SYNJ2: variants seen among roughly 807,000 people sequenced by gnomAD.
SYNJ2 encodes the protein polyphosphatidylinositol phosphatase SYNJ2.
SYNJ2 carries 116 observed loss-of-function variants against 141.3 expected under a neutral mutation model. The observed-to-expected ratio is 0.82, with a 90% confidence interval of 0.71 to 0.96. The LOEUF (loss-of-function observed/expected upper bound fraction) is 0.96. SYNJ2 is among the 40% of genes least tolerant of loss of function. The probability of loss-of-function intolerance (pLI) is 0.00; values close to 1 mark genes in which losing one functional copy is unlikely to be tolerated. For missense variants in SYNJ2, 1,873 were observed against 1,934.8 expected, an observed-to-expected ratio of 0.97 and a Z score of 0.60; for synonymous variants, 745 against 777.7, an observed-to-expected ratio of 0.96 and a Z score of 0.70.
At chr6:158,069,744 T>C in intron 14 of SYNJ2, 71 bp downstream of exon 14, 1 of 1,474,838 alleles carries the variant, frequency 6.8e-7, no homozygotes, top group Non-Finnish European at 9.1e-7. Context: ...TTCTTTGACT[T>C]CCCCCTCCTC....
intron 1 of SYNJ2, among the ~76,000 whole-genome samples, chr6:158,006,188 C>T (rs1000259595): frequency 1.3e-5 from 2 of 152,190 alleles, no homozygotes; most frequent in Non-Finnish European, 2.9e-5. Context: ...GCCACACGCA[C>T]ACATGCACAT....
At chr6:158,034,999 G>A (rs778543911) in intron 4 of SYNJ2, among the ~76,000 whole-genome samples, 6 of 152,094 alleles carry the variant, frequency 3.9e-5, no homozygotes, top group African/African-American at 9.7e-5. Flanking sequence ...GTAGGTGTAC[G>A]GCCTTATTTC....
intron 9 of SYNJ2, among the ~76,000 whole-genome samples, 178 bp downstream of exon 9, chr6:158,064,050 G>T (rs1781400862): frequency 6.6e-6 from 1 of 152,208 alleles, no homozygotes; most frequent in Non-Finnish European, 1.5e-5. Context: ...TTCCCCAGGA[G>T]GCTGCTTTCT....
rs116966905 is a variant in SYNJ2 at position 158,053,607 on chromosome 6, C to T, written c.796-1360C>T. On this transcript the variant is annotated intron_variant, in intron 5 of 26. Transcript: ENST00000355585. ...CCCACCCACCTGCTTATCCACTCAT[C>T]GTCCACCTATCTACCCACCCATCCA... 1.3e-4 allele frequency among the ~76,000 whole-genome samples: 19 copies of T among 151,990 alleles called. No homozygotes were observed. The East Asian group carries it at 2.5e-3, about 20-fold the overall frequency.
intron 2 of SYNJ2, 137 bp downstream of exon 2, chr6:158,017,427 T>TC (rs1491282408): frequency 3.7e-4 from 387 of 1,054,198 alleles, no homozygotes; most frequent in Middle Eastern, 6.7e-4. Flanking sequence ...TTTTTTTTTT[T>TC]CTCCGAGATA....
intron 24 of SYNJ2, among the ~76,000 whole-genome samples, chr6:158,089,134 T>G (rs1367030825): frequency 6.6e-6 from 1 of 152,136 alleles, no homozygotes; most frequent in Non-Finnish European, 1.5e-5. Flanking sequence ...ATGATCATTC[T>G]GGAGTGAAGT....
At chr6:158,093,226 G>A in intron 26 of SYNJ2, 122 bp downstream of exon 26, 5 of 1,110,156 alleles carry the variant, frequency 4.5e-6, no homozygotes, top group Non-Finnish European at 6.4e-6. Flanking sequence ...ACGAGGTCAG[G>A]AGTTCAAGAC....
rs555909850 is a variant in SYNJ2, at chr6:158,043,891, G to A, written c.795+492G>A. 4.3e-4 allele frequency among the ~76,000 whole-genome samples: 65 copies of A among 152,320 alleles called. No individual in the cohort carries two copies. The highest frequency in any genetic ancestry group is 7.5e-4 in the Non-Finnish European group (51 of 68,028). ...GTGATTTCTAAAAATACCCCTTGCC[G>A]TCCAAAGCAGGGCTCTGGTCAGTGC... is the stretch of plus-strand genomic sequence containing the variant. On this transcript the variant is annotated intron_variant, in intron 5 of 26. Transcript: ENST00000355585. The surrounding 1 kb of genome is among the most constrained non-coding windows in gnomAD (Gnocchi z 4.0).
intron 4 of SYNJ2, among the ~76,000 whole-genome samples, chr6:158,036,547 C>G (rs1353370521): frequency 6.6e-6 from 1 of 152,054 alleles, no homozygotes; most frequent in Non-Finnish European, 1.5e-5. Flanking sequence ...TTCTTACTTA[C>G]AAGTGGGAGC....
intron 7 of SYNJ2, chr6:158,059,561 TTTTTTTTTTTA>T (rs1390659129): frequency 4.9e-6 from 4 of 818,278 alleles, no homozygotes; most frequent in Admixed American, 1.7e-4. Flanking sequence ...CTTTTCTTTT[TTTTTTTTTTTA>T]AGACAGAGTT....
At chr6:158,072,827 T>C (rs112193773) in intron 15 of SYNJ2, among the ~76,000 whole-genome samples, 2,464 of 151,948 alleles carry the variant, frequency 0.016, 32 homozygotes, top group Non-Finnish European at 0.027. Context: ...CCCAGCACTT[T>C]GGGAGGCCGA....
chr6:157,990,097 TAAAGCCTCCTGGTTGA>T (rs1366122738), intron 1 of SYNJ2, among the ~76,000 whole-genome samples: 1 of 152,194 alleles, frequency 6.6e-6, no homozygotes, highest in African/African-American at 2.4e-5. Flanking sequence ...CCACTGCTTG[TAAAGCCTCCTGGTTGA>T]AAAGGTGACT....
chr6:157,993,373 T>A (rs2128316312), intron 1 of SYNJ2, among the ~76,000 whole-genome samples: 1 of 152,358 alleles, frequency 6.6e-6, no homozygotes, highest in Admixed American at 6.5e-5. Context: ...ATTTTTTGGA[T>A]CGGATTATTA....
chr6:158,024,359 C>T (rs1022005166), intron 2 of SYNJ2, among the ~76,000 whole-genome samples: 5 of 152,258 alleles, frequency 3.3e-5, no homozygotes, highest in East Asian at 1.9e-4. Flanking sequence ...AAGTTGAACC[C>T]GGGAGACAGA....
rs994662495 is a variant in SYNJ2 at position 158,040,201 on chromosome 6, G to A, written c.712-3115G>A. ...TGGGTTGTATGTGTACAGTGTGTGC[G>A]TGGTATGTGCATTTATGTGTTGTAC... On this transcript the variant is annotated intron_variant, in intron 4 of 26. Coordinates refer to ENST00000355585, the MANE Select transcript of SYNJ2 (RefSeq NM_003898.4). The surrounding 1 kb of genome is among the most constrained non-coding windows in gnomAD (Gnocchi z 4.2). Among the ~76,000 whole-genome samples the A allele has an allele frequency of 2.0e-5, 3 of 151,444 alleles. No individual in the cohort carries two copies. Among genetic ancestry groups the A allele is most frequent in the African/African-American group, 7.4e-5 (3 of 40,752 alleles).
chr6:158,072,032 AGT>A (rs1233548358), intron 15 of SYNJ2, among the ~76,000 whole-genome samples: 2 of 152,118 alleles, frequency 1.3e-5, no homozygotes, highest in Non-Finnish European at 2.9e-5. Context: ...ACAATTCCTG[AGT>A]GTCTGCATGG....
chr6:158,055,099 G>A, intron 6 of SYNJ2, 71 bp downstream of exon 6: 1 of 1,551,854 alleles, frequency 6.4e-7, no homozygotes, highest in Non-Finnish European at 8.8e-7. Flanking sequence ...TCAGACACAA[G>A]GGAGAGGGTG....
chr6:158,076,598 G>A, intron 16 of SYNJ2, 28 bp from the exon 17 acceptor site: 1 of 1,603,580 alleles, frequency 6.2e-7, no homozygotes, highest in Non-Finnish European at 8.5e-7. Flanking sequence ...AACTACGGTG[G>A]CCTGATGACT....
intron 22 of SYNJ2, among the ~76,000 whole-genome samples, chr6:158,086,587 A>G (rs1445760133): frequency 1.3e-5 from 2 of 152,182 alleles, no homozygotes; most frequent in African/African-American, 4.8e-5. Flanking sequence ...GTTATTTCAC[A>G]AGAAAACACA....
Sources: gnomAD v4.1 joint callset for allele counts (sites outside exome capture counted in the v4.1 genomes callset) on GRCh38, gnomAD v4.1.1 for gene constraint, Gnocchi (gnomAD v3.1) non-coding constraint, MANE v1.5 for transcripts, NCBI Gene and HGNC (gene_info 2026-07-23, HGNC 2026-07-21) for gene names.